The following NIPAL3 variants were observed in gnomAD, a reference collection of about 807,000 sequenced individuals.
NIPAL3 encodes NIPA like domain containing 3, also known as NIPA-like protein 3.
A neutral mutation model predicts 47.2 loss-of-function variants in NIPAL3; 41 were observed. That is an observed-to-expected ratio of 0.87 (90% CI 0.68 to 1.13). The LOEUF (loss-of-function observed/expected upper bound fraction) is 1.13, where lower values mean the gene tolerates loss of function less well. Among genes scored for constraint, NIPAL3 ranks in the 50% most tolerant of loss-of-function variants. NIPAL3 has a pLI of 0.00. For missense variants in NIPAL3, 449 were observed against 530.1 expected (o/e 0.85, Z 1.50); for synonymous variants, 194 against 209.6 (o/e 0.93, Z 0.64).
chr1:24,453,982 G>A (rs1432479605), intron 7 of NIPAL3: 24 of 454,004 alleles, frequency 5.3e-5, no homozygotes, highest in Non-Finnish European at 4.4e-6. Flanking sequence ...TGCTGTGGAA[G>A]AGATAGCTCC....
intron 1 of NIPAL3, among the ~76,000 whole-genome samples, chr1:24,417,261 A>G (rs1249415556): frequency 1.3e-5 from 2 of 152,144 alleles, no homozygotes; most frequent in Non-Finnish European, 2.9e-5. Context: ...TCTGGGCTAG[A>G]TCTCAGCTGG....
chr1:24,420,726 C>T (rs1439258717), intron 2 of NIPAL3, among the ~76,000 whole-genome samples: 1 of 152,084 alleles, frequency 6.6e-6, no homozygotes, highest in Non-Finnish European at 1.5e-5. Context: ...GCATACTTTT[C>T]GAATGATTGC....
At chr1:24,448,211 A>G (rs1289114418) in intron 5 of NIPAL3, among the ~76,000 whole-genome samples, 1 of 152,234 alleles carries the variant, frequency 6.6e-6, no homozygotes, top group African/African-American at 2.4e-5. Context: ...AGTTAGTTCT[A>G]TCCCAGAAAA....
At chr1:24,468,589 T>G (rs1006747703) in intron 11 of NIPAL3, among the ~76,000 whole-genome samples, 1 of 152,168 alleles carries the variant, frequency 6.6e-6, no homozygotes, top group Non-Finnish European at 1.5e-5. Context: ...AAAATTACCC[T>G]CTTTCCTCGA....
chr1:24,465,901 A>G, intron 11 of NIPAL3: 33 of 1,421,528 alleles, frequency 2.3e-5, no homozygotes, highest in Non-Finnish European at 3.0e-5. Flanking sequence ...CAGGTAGAAC[A>G]TGCAGAATAA....
At chr1:24,414,082 C>G (rs1643898982), upstream of NIPAL3, 1 of 151,760 alleles carries the variant, frequency 6.6e-6, no homozygotes, top group African/African-American at 2.4e-5. Flanking sequence ...CTCGCTTTGT[C>G]GAGCAGGCTG....
At chr1:24,421,344 C>T (rs1027773890) in intron 2 of NIPAL3, among the ~76,000 whole-genome samples, 2 of 151,212 alleles carry the variant, frequency 1.3e-5, no homozygotes, top group African/African-American at 4.9e-5. Flanking sequence ...AGAGTGAGAC[C>T]CCACCTCAAA....
chr1:24,442,062 G>T lies in NIPAL3; in HGVS notation c.170G>T (p.Cys57Phe). ...TATTTCTCGGGTTTCTAGAAGTACT[G>T]CCACATCCGCCTGGCAGGCTCCAAG... ...VSIALNLQKY[C>F]HIRLAGSKDP... The change falls in exon 4 of 12, where the codon TGC becomes TTC. Residue 57 changes from cysteine (C) to phenylalanine (F), a missense_variant. Cys to Phe is a radical substitution (Grantham distance 205). Transcript: ENST00000374399. 2.5e-6 allele frequency: 4 copies of T among 1,613,682 alleles called. No individual in the cohort carries two copies. Among genetic ancestry groups the T allele is most frequent in the Non-Finnish European group, 3.4e-6 (4 of 1,179,758 alleles).
intron 2 of NIPAL3, among the ~76,000 whole-genome samples, chr1:24,435,478 T>C (rs1645057220): frequency 6.6e-6 from 1 of 152,216 alleles, no homozygotes; most frequent in Non-Finnish European, 1.5e-5. Flanking sequence ...AGTTATCTTC[T>C]TAGTGATTGT....
intron 9 of NIPAL3, 106 bp downstream of exon 9, chr1:24,459,082 A>G: frequency 1.1e-6 from 1 of 941,226 alleles, no homozygotes; most frequent in South Asian, 1.4e-5. Flanking sequence ...CCGTAGAGTG[A>G]TTTATGGGTT....
At position 24,442,053 on chromosome 1, in the gene NIPAL3, A is replaced by G. The variant is rs748716841; in HGVS notation, c.163-2A>G. ...AAATTGCATTATTTCTCGGGTTTCT[A>G]GAAGTACTGCCACATCCGCCTGGCA... On this transcript the variant is annotated splice_acceptor_variant, in intron 3 of 11. Transcript: ENST00000374399. LOFTEE classifies it high-confidence loss of function. 6.2e-7 allele frequency: 1 copy of G among 1,612,776 alleles called. No homozygotes were observed. Among genetic ancestry groups the G allele is most frequent in the Non-Finnish European group, 8.5e-7 (1 of 1,179,230 alleles).
chr1:24,464,155 C>G, intron 11 of NIPAL3, 35 bp downstream of exon 11: 1 of 1,530,912 alleles, frequency 6.5e-7, no homozygotes, highest in Non-Finnish European at 9.0e-7. Context: ...AGCTGAACAT[C>G]CATATAGAAT....
intron 3 of NIPAL3, among the ~76,000 whole-genome samples, chr1:24,441,008 C>A (rs915268080): frequency 6.6e-6 from 1 of 152,206 alleles, no homozygotes; most frequent in Non-Finnish European, 1.5e-5. Context: ...CTTACTCGTG[C>A]TCCCTGGAAT....
At chr1:24,428,395 A>G (rs1318122116) in intron 2 of NIPAL3, among the ~76,000 whole-genome samples, 2 of 152,162 alleles carry the variant, frequency 1.3e-5, no homozygotes, top group Non-Finnish European at 2.9e-5. Flanking sequence ...CCATAAGGAA[A>G]TTATCAGACC....
At chr1:24,419,783 A>C in intron 2 of NIPAL3, 143 bp downstream of exon 2, 1 of 706,872 alleles carries the variant, frequency 1.4e-6, no homozygotes, top group Non-Finnish European at 2.4e-6. Flanking sequence ...AGACAAGGGA[A>C]TGTGTAAGCA....
At chr1:24,464,737 A>G (rs1646626003) in intron 11 of NIPAL3, 1 of 152,214 alleles carries the variant, frequency 6.6e-6, no homozygotes. Context: ...GACCAACCTC[A>G]GATTTGCTGA....
At chr1:24,467,783 A>C (rs1646761275) in intron 11 of NIPAL3, among the ~76,000 whole-genome samples, 2 of 151,890 alleles carry the variant, frequency 1.3e-5, no homozygotes, top group South Asian at 4.2e-4. Context: ...AATCCCAGCT[A>C]CTTGGGTGAC....
intron 10 of NIPAL3, among the ~76,000 whole-genome samples, chr1:24,460,785 G>T (rs1646434718): frequency 6.6e-6 from 1 of 152,136 alleles, no homozygotes; most frequent in Non-Finnish European, 1.5e-5. Context: ...CACATGAAAA[G>T]TCTCTCAACC....
Position 24,464,080 on chromosome 1 carries a change from C to T in NIPAL3, c.981C>T (p.Pro327=), listed in dbSNP as rs777777798. Residue 327 remains proline (P), a synonymous_variant, in exon 11 of 12, where the codon CCC becomes CCT. Coordinates refer to ENST00000374399, the MANE Select transcript of NIPAL3 (RefSeq NM_020448.5). Reference sequence around the variant, plus strand: ...TAATCACGCGTAACAGGAAGAAGCCCATTCCATTTGAGCCCTATATTTCCA... The same window carrying T: ...TAATCACGCGTAACAGGAAGAAGCCTATTCCATTTGAGCCCTATATTTCCA... ...VFLITRNRKK[P]IPFEPYISMD... 2.5e-6 allele frequency: 4 copies of T among 1,613,666 alleles called. No individual in the cohort carries two copies. The highest frequency in any genetic ancestry group is 2.2e-5 in the South Asian group (2 of 91,026).
Sources: gnomAD v4.1 joint callset for allele counts (sites outside exome capture counted in the v4.1 genomes callset) on GRCh38, gnomAD v4.1.1 for gene constraint, MANE v1.5 for transcripts, NCBI Gene and HGNC (gene_info 2026-07-23, HGNC 2026-07-21) for gene names.